The following BBS4 variants were observed in gnomAD, a reference collection of about 807,000 sequenced individuals.
The protein encoded by BBS4 is BBSome complex member BBS4.
A neutral mutation model predicts 71.4 loss-of-function variants in BBS4; 58 were observed. The observed-to-expected ratio is 0.81, with a 90% CI of 0.66 to 1.01. The LOEUF is 1.01. Among genes scored for constraint, BBS4 ranks in the 50% least tolerant of loss-of-function variants. BBS4 has a pLI of 0.00. For missense variants in BBS4, 660 were observed against 607.9 expected, an observed-to-expected ratio of 1.09 and a Z score of -0.90; for synonymous variants, 228 against 216.8, an observed-to-expected ratio of 1.05 and a Z score of -0.46.
intron 4 of BBS4, among the ~76,000 whole-genome samples, chr15:72,714,189 T>C (rs533279722): frequency 1.3e-5 from 2 of 151,302 alleles, no homozygotes; most frequent in South Asian, 2.1e-4. Flanking sequence ...ATTCAGCTCA[T>C]TAGAAACCAA....
intron 2 of BBS4, among the ~76,000 whole-genome samples, chr15:72,699,127 T>G (rs1032417056): frequency 3.3e-5 from 5 of 152,134 alleles, no homozygotes; most frequent in Non-Finnish European, 7.4e-5. Flanking sequence ...CTCCACTGAT[T>G]AAATGGATGA....
In BBS4 at chr15:72,725,803, A is replaced by T. The variant is rs184300790; in HGVS notation, c.587+1148A>T. On this transcript the variant is annotated intron_variant, in intron 8 of 15. Coordinates refer to ENST00000268057, the MANE Select transcript of BBS4 (RefSeq NM_033028.5). ...CCCCTTCCTCCTTCCCTCTTCCCCC[A>T]TCCCCCTTCCCCCATCCCCCTTTCC... Among the ~76,000 whole-genome samples, 58 of 5,188 alleles carry T rather than the reference A, an allele frequency of 0.011. 16 individuals carry two copies. In the East Asian group the frequency reaches 0.19, roughly 17 times the overall value. 3.4% of individuals were successfully genotyped at this position (5,188 alleles called of 152,430 possible).
At chr15:72,709,282 TAGAA>T (rs1433502801) in intron 2 of BBS4, among the ~76,000 whole-genome samples, 4 of 152,296 alleles carry the variant, frequency 2.6e-5, no homozygotes, top group Non-Finnish European at 5.9e-5. Flanking sequence ...TTATAGAAAA[TAGAA>T]AGAACCTACA....
chr15:72,714,753 C>G (rs948689559), intron 4 of BBS4, among the ~76,000 whole-genome samples: 2 of 152,226 alleles, frequency 1.3e-5, no homozygotes, highest in African/African-American at 4.8e-5. Context: ...ATCAGACTTT[C>G]AGTGCCTGAT....
At chr15:72,688,076 ACTT>A (rs1000986621) in intron 1 of BBS4, among the ~76,000 whole-genome samples, 1 of 150,532 alleles carries the variant, frequency 6.6e-6, no homozygotes, top group Non-Finnish European at 1.5e-5. Context: ...AAAAGAAAAT[ACTT>A]CTAAGTAATC....
intron 2 of BBS4, among the ~76,000 whole-genome samples, chr15:72,705,925 C>T (rs900998667): frequency 2.0e-5 from 3 of 152,000 alleles, no homozygotes; most frequent in Non-Finnish European, 4.4e-5. Flanking sequence ...ACAGCTAAGA[C>T]TTGAAAATTA....
chr15:72,698,226 A>C (rs2151001216), intron 2 of BBS4, among the ~76,000 whole-genome samples: 1 of 152,290 alleles, frequency 6.6e-6, no homozygotes, highest in Admixed American at 6.5e-5. Context: ...TTAATAGAAT[A>C]ATTTATTATT....
intron 2 of BBS4, among the ~76,000 whole-genome samples, chr15:72,702,145 C>T (rs12902361): frequency 0.15 from 23,087 of 152,056 alleles, 2,232 homozygotes; most frequent in African/African-American, 0.26. Flanking sequence ...TGTGCCTGGC[C>T]GCTTTAAAAT....
intron 4 of BBS4, among the ~76,000 whole-genome samples, chr15:72,713,367 A>G (rs1451945287): frequency 6.7e-6 from 1 of 148,988 alleles, no homozygotes. Flanking sequence ...GCACGCACGC[A>G]CTGGTCTAGG....
At chr15:72,700,840 A>G (rs1233663796) in intron 2 of BBS4, among the ~76,000 whole-genome samples, 1 of 152,022 alleles carries the variant, frequency 6.6e-6, no homozygotes, top group Non-Finnish European at 1.5e-5. Context: ...TTGTCTAGGA[A>G]ATCTTGATCC....
chr15:72,695,117 T>A, intron 1 of BBS4, 60 bp from the exon 2 acceptor site: 1 of 1,223,836 alleles, frequency 8.2e-7, no homozygotes, highest in African/African-American at 1.5e-5. Flanking sequence ...TTTGGATGCT[T>A]CTTTAAGTTA....
intron 2 of BBS4, among the ~76,000 whole-genome samples, chr15:72,707,606 A>AT: frequency 6.6e-6 from 1 of 152,134 alleles, no homozygotes; most frequent in Admixed American, 6.6e-5. Flanking sequence ...AAAGCTTTTT[A>AT]TTTTTTTGAG....
chr15:72,696,826 A>G (rs1161599720), intron 2 of BBS4, among the ~76,000 whole-genome samples: 1 of 152,072 alleles, frequency 6.6e-6, no homozygotes, highest in Admixed American at 6.6e-5. Flanking sequence ...CCTGGCTTCA[A>G]GTGATACTCC....
At chr15:72,733,588 G>A (rs2065868270) in intron 12 of BBS4, among the ~76,000 whole-genome samples, 2 of 152,104 alleles carry the variant, frequency 1.3e-5, no homozygotes, top group South Asian at 4.2e-4. Context: ...CATCTATGTT[G>A]CTGCAAAGGA....
At chr15:72,730,631 A>G (rs1055485151) in intron 10 of BBS4, among the ~76,000 whole-genome samples, 2 of 152,214 alleles carry the variant, frequency 1.3e-5, no homozygotes, top group Non-Finnish European at 2.9e-5. Context: ...CTAGAGTCCT[A>G]ATGATTTGAT....
chr15:72,713,353 A>ACG (rs1263006166), intron 4 of BBS4, among the ~76,000 whole-genome samples: 1 of 150,932 alleles, frequency 6.6e-6, no homozygotes, highest in East Asian at 1.9e-4. Context: ...ACACACACGC[A>ACG]CACGCACGCA....
At chr15:72,735,405 A>G in intron 13 of BBS4, 1 of 569,688 alleles carries the variant, frequency 1.8e-6, no homozygotes, top group East Asian at 3.1e-5. Context: ...CTGAGTAATC[A>G]GGAGGCTAGA....
At position 72,738,267 on chromosome 15, in the gene BBS4, T is replaced by C. The variant is rs1352624813; in HGVS notation, c.*680T>C. ...AGCAGCAGCCCAGGGCTTGTCTGGA[T>C]CAGCACCAACGATTTTAAAGAAAAA... is the stretch of plus-strand genomic sequence containing the variant. On this transcript the variant is annotated 3_prime_UTR_variant, in exon 16 of 16. Transcript: ENST00000268057. 1 of 453,884 alleles carries C rather than the reference T, an allele frequency of 2.2e-6. No homozygotes were observed. Among genetic ancestry groups the C allele is most frequent in the East Asian group, 7.0e-5 (1 of 14,388 alleles). The allele number at this position is 453,884 out of a possible 1,614,324, so 28.1% of individuals were successfully genotyped here.
At chr15:72,730,234 G>A (rs992318851) in intron 10 of BBS4, among the ~76,000 whole-genome samples, 5 of 150,668 alleles carry the variant, frequency 3.3e-5, no homozygotes, top group Admixed American at 1.3e-4. Context: ...CTGAGATCAC[G>A]CGCCACTGCA....
Sources: allele counts gnomAD v4.1 joint callset (sites outside exome capture counted in the v4.1 genomes callset), GRCh38; gene constraint gnomAD v4.1.1; transcripts MANE v1.5; gene names NCBI Gene and HGNC (gene_info 2026-07-23, HGNC 2026-07-21).